Variants in AFF2 observed in about 807,000 individuals in gnomAD.
The protein encoded by AFF2 is AF4/FMR2 family member 2.
A neutral mutation model predicts 76.9 loss-of-function variants in AFF2; 14 were observed. The ratio of observed to expected loss-of-function variants is 0.18; its 90% CI spans 0.12 to 0.28. The LOEUF (loss-of-function observed/expected upper bound fraction) is 0.28. Among genes scored for constraint, AFF2 ranks in the 10% least tolerant of loss-of-function variants. The probability of loss-of-function intolerance (pLI) is 1.00; values close to 1 mark genes in which losing one functional copy is unlikely to be tolerated. For synonymous variants in AFF2, 398 were observed against 366.7 expected (o/e 1.09, Z -0.98); for missense variants, 868 against 1,001.1 (o/e 0.87, Z 1.79).
At chrX:148,940,236 A>AC (rs1357870731) in intron 9 of AFF2, among the ~76,000 whole-genome samples, 4 of 111,090 alleles carry the variant, frequency 3.6e-5, no homozygotes, top group Middle Eastern at 4.6e-3. Flanking sequence ...TTTAAACCCC[A>AC]CCCCCCAAGT....
intron 1 of AFF2, among the ~76,000 whole-genome samples, chrX:148,624,403 A>T (rs2053901658): frequency 8.9e-6 from 1 of 112,284 alleles, no homozygotes; most frequent in African/African-American, 3.2e-5. Context: ...AAAGCAATGC[A>T]GCCATATTAC....
chrX:148,714,307 G>T (rs1476843365), intron 3 of AFF2, among the ~76,000 whole-genome samples: 1 of 111,776 alleles, frequency 8.9e-6, no homozygotes, highest in Non-Finnish European at 1.9e-5. Flanking sequence ...GTAAGATTTA[G>T]GGTATGTGTC....
chrX:148,825,296 C>T (rs1179170335), intron 4 of AFF2, among the ~76,000 whole-genome samples: 1 of 111,279 alleles, frequency 9.0e-6, no homozygotes, highest in Non-Finnish European at 1.9e-5. Context: ...AGTTATCTGA[C>T]CTATGAAATG....
At chrX:148,740,080 A>AT (rs1278332307) in intron 3 of AFF2, among the ~76,000 whole-genome samples, 3 of 111,203 alleles carry the variant, frequency 2.7e-5, no homozygotes, top group African/African-American at 9.8e-5. Context: ...CACTCTTAAG[A>AT]TTTTTTCCTT....
At chrX:148,822,959 A>G (rs896510084) in intron 4 of AFF2, among the ~76,000 whole-genome samples, 5 of 110,913 alleles carry the variant, frequency 4.5e-5, no homozygotes, top group African/African-American at 9.9e-5. Context: ...TTTCTATTGA[A>G]CTCCCTTACT....
intron 3 of AFF2, among the ~76,000 whole-genome samples, chrX:148,797,825 G>A (rs1300150297): frequency 8.9e-6 from 1 of 112,021 alleles, no homozygotes; most frequent in Non-Finnish European, 1.9e-5. Context: ...CATGCAAGCT[G>A]ACTTTGGTAC....
chrX:148,771,163 C>A (rs1467501510), intron 3 of AFF2, among the ~76,000 whole-genome samples: 1 of 111,767 alleles, frequency 8.9e-6, no homozygotes, highest in Non-Finnish European at 1.9e-5. Context: ...CATATGGATT[C>A]CTCCAGACTC....
chrX:148,637,485 T>A (rs944068382), intron 1 of AFF2, among the ~76,000 whole-genome samples: 1 of 112,347 alleles, frequency 8.9e-6, no homozygotes, highest in South Asian at 3.7e-4. Context: ...CTAAGTGACT[T>A]ATTAAGTAGA....
At chrX:148,643,810 C>G (rs1557255046) in intron 1 of AFF2, among the ~76,000 whole-genome samples, 1 of 111,333 alleles carries the variant, frequency 9.0e-6, no homozygotes, top group East Asian at 2.8e-4. Context: ...AGATAGGCAC[C>G]CCTCTCAAGC....
At chrX:148,565,417 C>A (rs1356408723) in intron 1 of AFF2, among the ~76,000 whole-genome samples, 1 of 111,145 alleles carries the variant, frequency 9.0e-6, no homozygotes, top group Non-Finnish European at 1.9e-5. Context: ...GATTTTATTC[C>A]TGCAACACAG....
intron 3 of AFF2, among the ~76,000 whole-genome samples, chrX:148,745,410 T>C (rs1287770996): frequency 8.9e-6 from 1 of 111,923 alleles, no homozygotes; most frequent in Non-Finnish European, 1.9e-5. Context: ...CCCCATCTAC[T>C]CTATCTCCGG....
At chrX:148,677,362 G>A in intron 3 of AFF2, among the ~76,000 whole-genome samples, 1 of 111,523 alleles carries the variant, frequency 9.0e-6, no homozygotes, top group East Asian at 2.8e-4. Context: ...AGTGCTTCTT[G>A]TTGTAAAGCT....
At chrX:148,537,970 G>A (rs1330182894) in intron 1 of AFF2, among the ~76,000 whole-genome samples, 1 of 112,346 alleles carries the variant, frequency 8.9e-6, no homozygotes, top group African/African-American at 3.2e-5. Flanking sequence ...CACAGGACGT[G>A]CGGGGGTGTA....
intron 1 of AFF2, among the ~76,000 whole-genome samples, chrX:148,618,950 T>G (rs2053840906): frequency 9.0e-6 from 1 of 111,311 alleles, no homozygotes; most frequent in South Asian, 3.8e-4. Context: ...GAACTCCCTA[T>G]GCCACTGAGT....
In AFF2 at chrX:148,847,037, A is replaced by G. The variant is rs180883147; in HGVS notation, c.1262+3604A>G. Among the ~76,000 whole-genome samples, 21 of 111,138 alleles carry G rather than the reference A, an allele frequency of 1.9e-4. No homozygotes were observed. In the East Asian group the frequency reaches 5.7e-3, roughly 30 times the overall value. On this transcript the variant is annotated intron_variant, in intron 7 of 20. Transcript: ENST00000370460. ...TGCCTCAGCCTCCTGTGTAGCTGGG[A>G]CTACAGGTGCCCGCCACCTGTAGTT...
chrX:148,976,315 T>C (rs1321659346), intron 16 of AFF2, among the ~76,000 whole-genome samples: 1 of 112,327 alleles, frequency 8.9e-6, no homozygotes, highest in African/African-American at 3.2e-5. Context: ...AGCCTGAACA[T>C]TGACATTGAA....
At chrX:148,983,958 A>AAAAAAAAAAAAAAAAAAAAAAAAAAC (rs2072429167) in intron 19 of AFF2, among the ~76,000 whole-genome samples, 1 of 99,326 alleles carries the variant, frequency 1.0e-5, no homozygotes, top group Non-Finnish European at 2.0e-5. Context: ...ATAGACAAAA[A>AAAAAAAAAAAAAAAAAAAAAAAAAAC]AAAAAAAAAA....
chrX:148,744,348 T>A (rs1256465985), intron 3 of AFF2, among the ~76,000 whole-genome samples: 2 of 112,162 alleles, frequency 1.8e-5, no homozygotes, highest in Non-Finnish European at 3.8e-5. Flanking sequence ...TTTATTATGA[T>A]AATTTAGTTA....
intron 7 of AFF2, among the ~76,000 whole-genome samples, chrX:148,862,632 C>T (rs1378613215): frequency 9.0e-6 from 1 of 111,286 alleles, no homozygotes; most frequent in African/African-American, 3.3e-5. Flanking sequence ...TAAGCACTTT[C>T]TTGATAACTG....
Sources: gnomAD v4.1 joint callset for allele counts (sites outside exome capture counted in the v4.1 genomes callset) on GRCh38, gnomAD v4.1.1 for gene constraint, MANE v1.5 for transcripts, NCBI Gene and HGNC (gene_info 2026-07-23, HGNC 2026-07-21) for gene names.